Variants in MAPRE3 observed in about 807,000 individuals in gnomAD.
The protein encoded by MAPRE3 is microtubule-associated protein RP/EB family member 3.
A neutral mutation model predicts 30.5 loss-of-function variants in MAPRE3; 2 were observed. That is an observed-to-expected ratio of 0.07 (90% CI 0.03 to 0.21). MAPRE3 has a LOEUF of 0.21. MAPRE3 is among the 10% of genes least tolerant of loss of function. MAPRE3 has a pLI of 1.00. For missense variants in MAPRE3, 204 were observed against 351.8 expected (o/e 0.58, Z 3.36); for synonymous variants, 110 against 127.7 (o/e 0.86, Z 0.93).
chr2:26,996,263 TC>T (rs1191261475), intron 1 of MAPRE3, among the ~76,000 whole-genome samples: 4 of 151,808 alleles, frequency 2.6e-5, no homozygotes, highest in African/African-American at 4.8e-5. Flanking sequence ...AGCTTGATCC[TC>T]CCCACTCAGC....
chr2:27,024,328 G>C (rs772959053), intron 4 of MAPRE3, 31 bp downstream of exon 4: 2 of 1,599,968 alleles, frequency 1.3e-6, no homozygotes, highest in East Asian at 2.2e-5. Context: ...GAGGGAGCGT[G>C]GGGGGCCGGG....
intron 1 of MAPRE3, among the ~76,000 whole-genome samples, chr2:26,971,715 A>G (rs1337450340): frequency 6.6e-6 from 1 of 151,888 alleles, no homozygotes; most frequent in Non-Finnish European, 1.5e-5. Context: ...CTGTTTATAT[A>G]TGAAGGGGCT....
At chr2:26,991,180 G>A (rs1666335083) in intron 1 of MAPRE3, among the ~76,000 whole-genome samples, 1 of 152,208 alleles carries the variant, frequency 6.6e-6, no homozygotes, top group South Asian at 2.1e-4. Context: ...TGTGAACCGG[G>A]AAGGCAGAGC....
chr2:27,016,375 T>C (rs1289631265), intron 1 of MAPRE3, among the ~76,000 whole-genome samples: 1 of 150,386 alleles, frequency 6.6e-6, no homozygotes, highest in African/African-American at 2.4e-5. Context: ...TTTCGTCAGG[T>C]TATGTCTTTT....
At chr2:27,017,653 C>T (rs1667018761) in intron 1 of MAPRE3, among the ~76,000 whole-genome samples, 1 of 152,172 alleles carries the variant, frequency 6.6e-6, no homozygotes. Flanking sequence ...AGTATTTTCC[C>T]CCCAGATAAG....
intron 3 of MAPRE3, chr2:27,023,844 G>A: frequency 1.9e-6 from 1 of 520,536 alleles, no homozygotes; most frequent in Non-Finnish European, 3.5e-6. Context: ...CACGCAGGCA[G>A]TAGAGCCAAG....
rs984651965 is a variant in MAPRE3 at position 27,025,616 on chromosome 2, A to T, written c.503A>T (p.Asn168Ile). The change falls in exon 5 of 7, where the codon AAC (asparagine) becomes ATC (isoleucine). Residue 168 changes from asparagine to isoleucine, a missense_variant. Asn to Ile is a moderately radical substitution (Grantham distance 149, BLOSUM62 -3). This residue lies in a region of MAPRE3 where 32 missense variants were observed against 20.7 expected (regional missense o/e 1.55). Coordinates refer to ENST00000233121, the MANE Select transcript of MAPRE3 (RefSeq NM_012326.4). ...AGGACGTCCCCCACAGGCCCAAAAAACATGCAGACCTCTGGCCGGCTGAGC... is the reference window on the plus strand; with the variant it reads ...AGGACGTCCCCCACAGGCCCAAAAATCATGCAGACCTCTGGCCGGCTGAGC... ...PQRTSPTGPK[N>I]MQTSGRLSNV... 1.9e-6 allele frequency: 3 copies of T among 1,594,832 alleles called. No individual in the cohort carries two copies. The highest frequency in any genetic ancestry group is 2.7e-5 in the African/African-American group (2 of 74,640).
chr2:27,017,829 T>C (rs1667021824), intron 1 of MAPRE3, among the ~76,000 whole-genome samples: 1 of 152,074 alleles, frequency 6.6e-6, no homozygotes, highest in African/African-American at 2.4e-5. Flanking sequence ...GTAAAATATG[T>C]GCATATAACA....
intron 1 of MAPRE3, among the ~76,000 whole-genome samples, chr2:27,020,169 A>G (rs981740613): frequency 6.6e-6 from 1 of 152,236 alleles, no homozygotes; most frequent in Admixed American, 6.5e-5. Context: ...GAAGCTGCCT[A>G]TAGCTCCTAA....
At chr2:27,014,406 T>C (rs1378867911) in intron 1 of MAPRE3, 1 of 152,212 alleles carries the variant, frequency 6.6e-6, no homozygotes, top group Non-Finnish European at 1.5e-5. Flanking sequence ...ATGTCCAGGA[T>C]CCCAGTGGCT....
chr2:26,971,430 C>G (rs1042439601), intron 1 of MAPRE3, among the ~76,000 whole-genome samples: 6 of 152,204 alleles, frequency 3.9e-5, no homozygotes, highest in African/African-American at 1.4e-4. Context: ...TCGTGATCAT[C>G]TAGCGTTTAA....
At chr2:26,999,488 CTTTTTTTTTTTTTTTTT>C (rs531651199) in intron 1 of MAPRE3, among the ~76,000 whole-genome samples, 4 of 79,006 alleles carry the variant, frequency 5.1e-5, no homozygotes, top group African/African-American at 2.1e-4. Flanking sequence ...TTCCTTCTTT[CTTTTTTTTTTTTTTTTT>C]TTTTTTTTTT....
intron 1 of MAPRE3, among the ~76,000 whole-genome samples, chr2:27,011,111 T>C (rs778582919): frequency 2.0e-5 from 3 of 152,214 alleles, no homozygotes; most frequent in Non-Finnish European, 4.4e-5. Context: ...CCTCCTCTAT[T>C]TTCATCGCGT....
intron 1 of MAPRE3, among the ~76,000 whole-genome samples, chr2:26,974,321 A>T (rs1391847968): frequency 6.6e-6 from 1 of 152,242 alleles, no homozygotes; most frequent in Non-Finnish European, 1.5e-5. Flanking sequence ...AAACTGTCTA[A>T]CTAAATATTT....
At chr2:26,975,002 A>G (rs1314331658) in intron 1 of MAPRE3, among the ~76,000 whole-genome samples, 9 of 152,194 alleles carry the variant, frequency 5.9e-5, no homozygotes, top group Non-Finnish European at 1.5e-5. Flanking sequence ...TACCGGGAAG[A>G]CCCGGCACTT....
intron 1 of MAPRE3, among the ~76,000 whole-genome samples, chr2:26,992,528 A>G (rs2148206521): frequency 7.2e-6 from 1 of 138,210 alleles, no homozygotes; most frequent in South Asian, 2.7e-4. Flanking sequence ...CCCGGCCCAG[A>G]TAATTTTTTT....
At position 26,985,597 on chromosome 2, in the gene MAPRE3, G is replaced by T. The variant is rs1666201470; in HGVS notation, c.-8+14795G>T. Among the ~76,000 whole-genome samples the T allele has an allele frequency of 6.6e-6, 1 of 152,190 alleles. No homozygotes were observed. The highest frequency in any genetic ancestry group is 1.5e-5 in the Non-Finnish European group (1 of 68,034). On this transcript the variant is annotated intron_variant, in intron 1 of 6. Coordinates refer to ENST00000233121, the MANE Select transcript of MAPRE3 (RefSeq NM_012326.4). The surrounding 1 kb of genome is among the most constrained non-coding windows in gnomAD (Gnocchi z 4.2). ...GTCCCAGTGAGAGGAGACCTAATCA[G>T]CCAGGTATTCATTTCTTACTGCTGC...
At chr2:27,024,922 T>C (rs1250484475) in intron 4 of MAPRE3, among the ~76,000 whole-genome samples, 1 of 152,182 alleles carries the variant, frequency 6.6e-6, no homozygotes, top group African/African-American at 2.4e-5. Flanking sequence ...ACCTCCTCTG[T>C]CTGCACTGCT....
intron 1 of MAPRE3, among the ~76,000 whole-genome samples, chr2:26,991,516 C>A (rs557917676): frequency 6.6e-6 from 1 of 152,174 alleles, no homozygotes; most frequent in South Asian, 2.1e-4. Flanking sequence ...GGGTCACTGC[C>A]GCTTGCTTTC....
Sources: gnomAD v4.1 joint callset for allele counts (sites outside exome capture counted in the v4.1 genomes callset) on GRCh38, gnomAD v4.1.1 for gene constraint, gnomAD v4.1.1 regional missense constraint, Gnocchi (gnomAD v3.1) non-coding constraint, MANE v1.5 for transcripts, NCBI Gene and HGNC (gene_info 2026-07-23, HGNC 2026-07-21) for gene names.